The following SNX14 variants were observed in gnomAD, a reference collection of about 807,000 sequenced individuals.
The protein encoded by SNX14 is sorting nexin 14.
Under a neutral mutation model 133.8 loss-of-function variants are expected in SNX14, and 93 were observed. The ratio of observed to expected loss-of-function variants is 0.70; its 90% CI spans 0.59 to 0.83. The LOEUF (loss-of-function observed/expected upper bound fraction) is 0.83. SNX14 is among the 40% of genes least tolerant of loss of function. The pLI is 0.00. For synonymous variants in SNX14, 368 were observed against 365.6 expected, an observed-to-expected ratio of 1.01 and a Z score of -0.07; for missense variants, 945 against 1,094.9, an observed-to-expected ratio of 0.86 and a Z score of 1.93.
intron 12 of SNX14, among the ~76,000 whole-genome samples, chr6:85,546,630 A>C (rs796313950): frequency 1.4e-4 from 21 of 152,262 alleles, no homozygotes; most frequent in African/African-American, 4.3e-4. Flanking sequence ...ATCTGGAAAG[A>C]AGTGGGCACT....
chr6:85,563,788 ATACT>A (rs1164825014), intron 6 of SNX14, among the ~76,000 whole-genome samples: 2 of 152,146 alleles, frequency 1.3e-5, no homozygotes, highest in African/African-American at 4.8e-5. Context: ...TATTATTATT[ATACT>A]TAAAGTTCTA....
At chr6:85,521,314 A>G (rs920685147) in intron 21 of SNX14, among the ~76,000 whole-genome samples, 8 of 152,136 alleles carry the variant, frequency 5.3e-5, no homozygotes, top group Admixed American at 5.2e-4. Flanking sequence ...GCTCACTGTA[A>G]CCTCGAACTT....
intron 9 of SNX14, 137 bp from the exon 10 acceptor site, chr6:85,547,687 A>AT: frequency 1.5e-6 from 1 of 677,686 alleles, no homozygotes; most frequent in Non-Finnish European, 2.3e-6. Flanking sequence ...AAATCTGCAC[A>AT]TATGTATTAC....
chr6:85,513,912 A>G lies in SNX14; in HGVS notation c.2558-17T>C, dbSNP rs1773847219. The G allele has an allele frequency of 6.3e-7, 1 of 1,595,360 alleles. No homozygotes were observed. Among genetic ancestry groups the G allele is most frequent in the Non-Finnish European group, 8.5e-7 (1 of 1,171,990 alleles). On this transcript the variant is annotated splice_polypyrimidine_tract_variant and intron_variant, in intron 25 of 28. Coordinates refer to ENST00000314673, the MANE Select transcript of SNX14 (RefSeq NM_153816.6). ...ATATAGCATCTAAAAAAGAGTAAAAAGAAATATTTCTGGAATTTTCATCTA... is the reference window on the plus strand; with the variant it reads ...ATATAGCATCTAAAAAAGAGTAAAAGGAAATATTTCTGGAATTTTCATCTA...
chr6:85,543,615 C>G lies in SNX14; in HGVS notation c.1254G>C (p.Glu418Asp). The G allele has an allele frequency of 1.9e-6, 3 of 1,575,872 alleles. No homozygotes were observed. In the South Asian group the frequency reaches 3.5e-5, roughly 19 times the overall value. Residue 418 changes from glutamate (E) to aspartate (D), a missense_variant, in exon 13 of 29, where the codon GAG (glutamate) becomes GAC (aspartate). This residue lies in a region of SNX14 where 514 missense variants were observed against 538.8 expected (regional missense o/e 0.95). Coordinates refer to ENST00000314673, the MANE Select transcript of SNX14 (RefSeq NM_153816.6). ...TCGTCTTTGACTTACTTCTTTGAAT[C>G]TCTTCTACAATGAAGGGATCAAATC... ...KIRFDPFIVE[E>D]IQRIAEGPYI... is the part of the protein sequence containing the mutation.
At chr6:85,563,598 G>A (rs980787170) in intron 6 of SNX14, among the ~76,000 whole-genome samples, 1 of 152,038 alleles carries the variant, frequency 6.6e-6, no homozygotes, top group Admixed American at 6.6e-5. Flanking sequence ...TCACCATGTT[G>A]GCCAGGCTGG....
intron 6 of SNX14, among the ~76,000 whole-genome samples, chr6:85,562,582 C>CTTTTTTTTTTTTTTT (rs201175458): frequency 3.2e-5 from 3 of 94,846 alleles, no homozygotes; most frequent in Admixed American, 1.2e-4. Flanking sequence ...ACTTTTTGGG[C>CTTTTTTTTTTTTTTT]TTTTTTTTTT....
intron 1 of SNX14, among the ~76,000 whole-genome samples, chr6:85,586,321 CA>C (rs1171524095): frequency 6.6e-6 from 1 of 151,936 alleles, no homozygotes; most frequent in Non-Finnish European, 1.5e-5. Context: ...GCATGGTATA[CA>C]AAGCCTAAAA....
intron 1 of SNX14, among the ~76,000 whole-genome samples, chr6:85,587,966 G>A (rs570656655): frequency 2.0e-4 from 31 of 152,154 alleles, no homozygotes; most frequent in South Asian, 8.3e-4. Context: ...GGGGAGGAGC[G>A]GGGGGCAGGG....
At chr6:85,577,849 G>A (rs1797809680) in intron 1 of SNX14, among the ~76,000 whole-genome samples, 5 of 152,146 alleles carry the variant, frequency 3.3e-5, no homozygotes, top group Admixed American at 3.3e-4. Flanking sequence ...ATGACCAAAT[G>A]TTTGTAAAAT....
In SNX14 at chr6:85,526,166, T is replaced by A. The variant is rs1210431536; in HGVS notation, c.2067A>T (p.Glu689Asp). ...LADFLSPNGG[E>D]TQFLDKILPD... is the part of the protein sequence containing the mutation. Reference sequence around the variant, plus strand: ...GTAGTATCTTATCAAGAAATTGTGTTTCCCCACCATTAGGGGAAAGAAAGT... The same window carrying A: ...GTAGTATCTTATCAAGAAATTGTGTATCCCCACCATTAGGGGAAAGAAAGT... Residue 689 changes from glutamate to aspartate, a missense_variant, in exon 21 of 29, where the codon GAA (glutamate) becomes GAT (aspartate). By Grantham distance (45) the Glu-to-Asp change is conservative (BLOSUM62 2). This residue lies in a region of SNX14 where 412 missense variants were observed against 516.6 expected (regional missense o/e 0.80). Transcript: ENST00000314673. 6.2e-7 allele frequency: 1 copy of A among 1,607,976 alleles called. No individual in the cohort carries two copies. The highest frequency in any genetic ancestry group is 2.2e-5 in the East Asian group (1 of 44,686).
At position 85,593,767 on chromosome 6, in the gene SNX14, A is replaced by C; in HGVS notation, c.-49T>G. On this transcript the variant is annotated 5_prime_UTR_variant, in exon 1 of 29. Coordinates refer to ENST00000314673, the MANE Select transcript of SNX14 (RefSeq NM_153816.6). ...TGCGCTACTGGCTGAGGCAGAGGTC[A>C]AGGCGACCCCCCATCCACACCTCGC... is the stretch of plus-strand genomic sequence containing the variant. The C allele has an allele frequency of 6.3e-7, 1 of 1,598,984 alleles. No homozygotes were observed.
rs372809533 is a variant in SNX14 at position 85,535,670 on chromosome 6, C to T, written c.1608+1122G>A. ...GGGAAAAAATAAAGGCATAAAAAAA[C>T]GGCTTTATTTGAATTAATAAAAAAA... On this transcript the variant is annotated intron_variant, in intron 17 of 28. Transcript: ENST00000314673. Among the ~76,000 whole-genome samples, 30 of 147,774 alleles carry T rather than the reference C, an allele frequency of 2.0e-4. No individual in the cohort carries two copies. The South Asian group carries it at 6.0e-3, about 30-fold the overall frequency.
intron 4 of SNX14, among the ~76,000 whole-genome samples, chr6:85,569,215 G>A (rs1336567794): frequency 6.6e-6 from 1 of 152,128 alleles, no homozygotes; most frequent in African/African-American, 2.4e-5. Context: ...GCCCACCTCG[G>A]CCTCCCAAAG....
intron 7 of SNX14, among the ~76,000 whole-genome samples, chr6:85,555,576 G>T (rs947414845): frequency 2.6e-5 from 4 of 152,180 alleles, no homozygotes; most frequent in African/African-American, 9.7e-5. Context: ...GAGGAAAGAA[G>T]GATGAACAGA....
chr6:85,546,869 G>A (rs971557981), intron 12 of SNX14, among the ~76,000 whole-genome samples: 5 of 151,080 alleles, frequency 3.3e-5, no homozygotes, highest in Admixed American at 6.6e-5. Context: ...ACTGAGGCAG[G>A]AGAATCGCTT....
intron 26 of SNX14, among the ~76,000 whole-genome samples, chr6:85,513,415 G>A (rs1288300943): frequency 1.3e-5 from 2 of 152,162 alleles, no homozygotes; most frequent in Non-Finnish European, 2.9e-5. Context: ...CATAGTGCCT[G>A]GAATATGGAA....
At chr6:85,548,896 G>A (rs12206573) in intron 8 of SNX14, among the ~76,000 whole-genome samples, 69,695 of 149,708 alleles carry the variant, frequency 0.47, 17,521 homozygotes, top group Middle Eastern at 0.6. Context: ...GAATCCGGCA[G>A]GCAGAGGTTG....
intron 4 of SNX14, among the ~76,000 whole-genome samples, chr6:85,571,650 T>G (rs1283025054): frequency 6.6e-6 from 1 of 152,118 alleles, no homozygotes; most frequent in Non-Finnish European, 1.5e-5. Flanking sequence ...TAAAACATGT[T>G]ACCAAAAAGA....
Sources: allele counts gnomAD v4.1 joint callset (sites outside exome capture counted in the v4.1 genomes callset), GRCh38; gene constraint gnomAD v4.1.1; regional missense constraint gnomAD v4.1.1; transcripts MANE v1.5; gene names NCBI Gene and HGNC (gene_info 2026-07-23, HGNC 2026-07-21).